The following MYH1 variants were observed in gnomAD, a reference collection of about 807,000 sequenced individuals.
The protein encoded by MYH1 is myosin heavy chain 1, also known as myosin-1.
In MYH1, 214 loss-of-function variants were observed where a neutral mutation model predicts 225.6. The observed-to-expected ratio is 0.95, with a 90% CI of 0.85 to 1.06. The LOEUF (loss-of-function observed/expected upper bound fraction) is 1.06. Ranked by LOEUF, MYH1 falls within the 50% of genes least tolerant of loss-of-function variation. The probability of loss-of-function intolerance (pLI) is 0.00; values close to 1 mark genes in which losing one functional copy is unlikely to be tolerated. For synonymous variants in MYH1, 774 were observed against 842.3 expected, an observed-to-expected ratio of 0.92 and a Z score of 1.40; for missense variants, 2,098 against 2,344.2, an observed-to-expected ratio of 0.89 and a Z score of 2.17.
rs368798634 is a variant in MYH1, at chr17:10,514,931, C to T, written c.506-36G>A. Reference sequence around the variant, plus strand: ...AACAGTGGAAAATCAGCATATGTATCAGTTACACAAACAAAACTTTCTATA... The same window carrying T: ...AACAGTGGAAAATCAGCATATGTATTAGTTACACAAACAAAACTTTCTATA... On this transcript the variant is annotated intron_variant, in intron 5 of 39. Transcript: ENST00000226207. 1.2e-5 allele frequency: 19 copies of T among 1,601,850 alleles called. No homozygotes were observed. In the African/African-American group the frequency reaches 2.0e-4, roughly 17 times the overall value.
intron 23 of MYH1, 30 bp downstream of exon 23, chr17:10,502,976 C>A: frequency 6.2e-7 from 1 of 1,614,068 alleles, no homozygotes. Context: ...GGCAGAACCT[C>A]TATACAGTAC....
In MYH1 at chr17:10,497,642, C is replaced by T. The variant is rs1255598426; in HGVS notation, c.4365+92G>A. The T allele has an allele frequency of 1.9e-6, 3 of 1,551,688 alleles. No homozygotes were observed. In the African/African-American group the frequency reaches 4.1e-5, roughly 21 times the overall value. ...CTGATGGGTTAAGAGCTACTGAGAACAGCCCTCAGATGGTTTGAATTGGGC... is the reference window on the plus strand; with the variant it reads ...CTGATGGGTTAAGAGCTACTGAGAATAGCCCTCAGATGGTTTGAATTGGGC... On this transcript the variant is annotated intron_variant, in intron 31 of 39. Transcript: ENST00000226207.
At chr17:10,499,646 CAT>C (rs924057673) in intron 28 of MYH1, among the ~76,000 whole-genome samples, 9 of 152,286 alleles carry the variant, frequency 5.9e-5, no homozygotes, top group Admixed American at 6.5e-5. Flanking sequence ...GGCATTTACA[CAT>C]GTCTTCAATT....
rs750375465 is a variant in MYH1 at position 10,501,422 on chromosome 17, A to G, written c.3426T>C (p.Asp1142=). 77 of 1,614,126 alleles carry G rather than the reference A, an allele frequency of 4.8e-5. No individual in the cohort carries two copies. The East Asian group carries it at 6.5e-4, about 14-fold the overall frequency. The stretch of plus-strand genomic sequence containing the variant: ...TGATCTCCTCCAGCTCCCGGGAGAG[A>G]TCAGAGCGCTGCTTCTCTGCTTTGG... ...SRAKAEKQRS[D]LSRELEEISE... is the part of the protein sequence containing the mutation. The change falls in exon 27 of 40, where the codon GAT becomes GAC. Residue 1142 remains aspartate, a synonymous_variant. Transcript: ENST00000226207.
chr17:10,508,798 G>A (rs746677048), intron 15 of MYH1, 126 bp from the exon 16 acceptor site: 12 of 1,359,396 alleles, frequency 8.8e-6, no homozygotes, highest in Middle Eastern at 1.9e-4. Context: ...ACGAAAACTC[G>A]TTCCTTTGGT....
Position 10,513,892 on chromosome 17 carries a change from T to G in MYH1, c.670A>C (p.Ile224Leu). The G allele has an allele frequency of 1.9e-6, 3 of 1,614,160 alleles. No individual in the cohort carries two copies. The highest frequency in any genetic ancestry group is 2.5e-6 in the Non-Finnish European group (3 of 1,179,992). ...GCCTCCAGTAGGGGGTTGGCACTGATGATTTGATCTTCCAGAGTCCCCTGC... is the reference window on the plus strand; with the variant it reads ...GCCTCCAGTAGGGGGTTGGCACTGAGGATTTGATCTTCCAGAGTCCCCTGC... The part of the protein sequence containing the change: ...KMQGTLEDQI[I>L]SANPLLEAFG... Residue 224 changes from isoleucine (I) to leucine (L), a missense_variant, in exon 8 of 40, where the codon ATC (isoleucine) becomes CTC (leucine). Ile to Leu is a conservative substitution (Grantham distance 5). Coordinates refer to ENST00000226207, the MANE Select transcript of MYH1 (RefSeq NM_005963.4).
At chr17:10,513,017 G>A (rs1225758976) in intron 9 of MYH1, 52 bp from the exon 10 acceptor site, 2 of 1,272,816 alleles carry the variant, frequency 1.6e-6, no homozygotes, top group East Asian at 2.3e-5. Context: ...ACAATGTCCT[G>A]GAGTGATTTG....
chr17:10,511,507 A>T (rs1055055984), intron 14 of MYH1, among the ~76,000 whole-genome samples: 1 of 152,158 alleles, frequency 6.6e-6, no homozygotes, highest in African/African-American at 2.4e-5. Flanking sequence ...TCTTGAAACT[A>T]GCAGACAGAT....
chr17:10,505,521 C>A lies in MYH1; in HGVS notation c.2175-10G>T. On this transcript the variant is annotated splice_polypyrimidine_tract_variant and intron_variant, in intron 19 of 39. Transcript: ENST00000226207. Reference sequence around the variant, plus strand: ...ATTTAACACCTTGTATCTGTTTAAGCCAGACAAAAAAATGATATGGCTGTT... The same window carrying A: ...ATTTAACACCTTGTATCTGTTTAAGACAGACAAAAAAATGATATGGCTGTT... 1 of 1,611,034 alleles carries A rather than the reference C, an allele frequency of 6.2e-7. No homozygotes were observed. The highest frequency in any genetic ancestry group is 1.7e-5 in the Admixed American group (1 of 59,412).
At chr17:10,516,158 T>G (rs370926911) in intron 4 of MYH1, 41 bp downstream of exon 4, 8 of 1,613,398 alleles carry the variant, frequency 5.0e-6, no homozygotes, top group Admixed American at 3.3e-5. Flanking sequence ...CAAAAACTAT[T>G]AACTACTCTC....
chr17:10,512,660 T>A (rs1209695083), intron 11 of MYH1, 21 bp downstream of exon 11: 2 of 1,612,784 alleles, frequency 1.2e-6, no homozygotes, highest in South Asian at 2.2e-5. Context: ...GATTTTAAAT[T>A]AAAATTCATG....
rs765213511 is a variant in MYH1, at chr17:10,495,296, T to G, written c.5191A>C (p.Lys1731Gln). 14 of 1,614,220 alleles carry G rather than the reference T, an allele frequency of 8.7e-6. No homozygotes were observed. The highest frequency in any genetic ancestry group is 1.2e-5 in the Non-Finnish European group (14 of 1,180,040). ...HTQNTSLINT[K>Q]KKLETDISQI... ...GAAATGTCTGTCTCCAGCTTCTTCT[T>G]GGTGTTGATCAGGCTGGTGTTCTGT... The change falls in exon 36 of 40, where the codon AAG becomes CAG. Residue 1731 changes from lysine to glutamine, a missense_variant. By Grantham distance (53) the Lys-to-Gln change is moderately conservative (BLOSUM62 1). Transcript: ENST00000226207.
chr17:10,494,384 C>A lies in MYH1; in HGVS notation c.5637G>T (p.Val1879=). The A allele has an allele frequency of 6.2e-7, 1 of 1,614,206 alleles. No individual in the cohort carries two copies. Among genetic ancestry groups the A allele is most frequent in the Non-Finnish European group, 8.5e-7 (1 of 1,180,044 alleles). ...QDLVDKLQAK[V]KSYKRQAEEA... The stretch of plus-strand genomic sequence containing the variant: ...CTTCAGCTTGTCTCTTGTAGGATTT[C>A]ACCTTTGCTTGCAGTTTGTCCACCA... The change falls in exon 39 of 40, where the codon GTG becomes GTT. Residue 1879 remains valine, a synonymous_variant. Transcript: ENST00000226207.
chr17:10,505,134 G>A (rs1185402137), intron 21 of MYH1, 29 bp downstream of exon 21: 2 of 1,613,330 alleles, frequency 1.2e-6, no homozygotes, highest in African/African-American at 1.3e-5. Context: ...CTAAGATGAT[G>A]AGGTTAAGTA....
rs1025479355 is a variant in MYH1, at chr17:10,499,808, A to G, written c.3866-716T>C. ...ATATTTATTCTGAACTTTGTTATAG[A>G]AAGAATAGTATTTGAATACCAAAAG... On this transcript the variant is annotated intron_variant, in intron 28 of 39. Transcript: ENST00000226207. Among the ~76,000 whole-genome samples, 23 of 152,204 alleles carry G rather than the reference A, an allele frequency of 1.5e-4. 1 individual carries two copies. The highest frequency in any genetic ancestry group is 3.3e-4 in the Admixed American group (5 of 15,278).
rs770573229 is a variant in MYH1 at position 10,514,888 on chromosome 17, C to T, written c.513G>A (p.Glu171=). 6.2e-7 allele frequency: 1 copy of T among 1,612,662 alleles called. No homozygotes were observed. The highest frequency in any genetic ancestry group is 1.1e-5 in the South Asian group (1 of 91,004). ...NAYQFMLTDR[E]NQSILITGES... is the part of the protein sequence containing the mutation. The stretch of plus-strand genomic sequence containing the variant: ...CATACGTGATCAAGATAGACTGATT[C>T]TCCCGATCTAGAAGAAAAACAGTGG... The change falls in exon 6 of 40, where the codon GAG becomes GAA. Residue 171 remains glutamate (E), a synonymous_variant. Coordinates refer to ENST00000226207, the MANE Select transcript of MYH1 (RefSeq NM_005963.4).
rs1340609973 is a variant in MYH1 at position 10,515,961 on chromosome 17, G to T, written c.470C>A (p.Ser157Tyr). The T allele has an allele frequency of 6.2e-7, 1 of 1,614,184 alleles. No individual in the cohort carries two copies. Among genetic ancestry groups the T allele is most frequent in the East Asian group, 2.2e-5 (1 of 44,878 alleles). Reference sequence around the variant, plus strand: ...GAACTGATAGGCATTGTCAGAGATGGAGAAGATGTGGGGTGGGGCCTCCTG... The same window carrying T: ...GAACTGATAGGCATTGTCAGAGATGTAGAAGATGTGGGGTGGGGCCTCCTG... ...KRQEAPPHIF[S>Y]ISDNAYQFML... The change falls in exon 5 of 40, where the codon TCC becomes TAC. Residue 157 changes from serine to tyrosine, a missense_variant. Ser to Tyr is a moderately radical substitution (Grantham distance 144). Transcript: ENST00000226207.
At chr17:10,512,250 G>C (rs2142277080) in intron 12 of MYH1, 58 bp from the exon 13 acceptor site, 1 of 1,589,938 alleles carries the variant, frequency 6.3e-7, no homozygotes, top group Non-Finnish European at 8.6e-7. Context: ...ACAGTTCAAA[G>C]GGGCATAGTA....
chr17:10,495,179 A>G lies in MYH1; in HGVS notation c.5295+13T>C. 1 of 1,614,130 alleles carries G rather than the reference A, an allele frequency of 6.2e-7. No homozygotes were observed. On this transcript the variant is annotated intron_variant, in intron 36 of 39. Transcript: ENST00000226207. The stretch of plus-strand genomic sequence containing the variant: ...ATTTAAGTTTGACCACCACTGTGTT[A>G]CCCTTCACTCACATCAGTGATGGCC...
Sources: allele counts gnomAD v4.1 joint callset (sites outside exome capture counted in the v4.1 genomes callset), GRCh38; gene constraint gnomAD v4.1.1; transcripts MANE v1.5; gene names NCBI Gene and HGNC (gene_info 2026-07-23, HGNC 2026-07-21).